NR6A1: variants seen among roughly 807,000 people sequenced by gnomAD.
NR6A1 encodes the protein retinoic acid receptor-related testis-associated receptor.
In NR6A1, 7 loss-of-function variants were observed where a neutral mutation model predicts 59.1. That is an observed-to-expected ratio of 0.12 (90% CI 0.07 to 0.22). The LOEUF (loss-of-function observed/expected upper bound fraction) is 0.22, where lower values mean the gene tolerates loss of function less well. Among genes scored for constraint, NR6A1 ranks in the 10% least tolerant of loss-of-function variants. NR6A1 has a pLI of 1.00. For missense variants in NR6A1, 468 were observed against 611.6 expected (o/e 0.77, Z 2.48); for synonymous variants, 243 against 236.1 (o/e 1.03, Z -0.27).
chr9:124,650,564 A>G (rs1476142618), intron 2 of NR6A1, among the ~76,000 whole-genome samples: 1 of 152,246 alleles, frequency 6.6e-6, no homozygotes, highest in East Asian at 1.9e-4. Flanking sequence ...AATTTACCGC[A>G]TATTTCAAAA....
chr9:124,659,814 T>C (rs1043705979), intron 2 of NR6A1, among the ~76,000 whole-genome samples: 1 of 152,246 alleles, frequency 6.6e-6, no homozygotes, highest in Non-Finnish European at 1.5e-5. Context: ...TTATGAATTA[T>C]ATAGTTCAGG....
chr9:124,564,853 AAAG>A (rs745381448), intron 2 of NR6A1, among the ~76,000 whole-genome samples: 1 of 152,224 alleles, frequency 6.6e-6, no homozygotes, highest in Non-Finnish European at 1.5e-5. Context: ...TTACTGGCTC[AAAG>A]ATAGATAAAT....
In NR6A1 at chr9:124,771,290, C is replaced by T. The variant is rs549767244; in HGVS notation, c.-171G>A. 179 of 392,362 alleles carry T rather than the reference C, an allele frequency of 4.6e-4. No homozygotes were observed. The highest frequency in any genetic ancestry group is 2.7e-3 in the African/African-American group (131 of 48,308). 24.3% of individuals were successfully genotyped at this position (392,362 alleles called of 1,614,324 possible). On this transcript the variant is annotated 5_prime_UTR_variant, in exon 1 of 10. Coordinates refer to ENST00000487099, the MANE Select transcript of NR6A1 (RefSeq NM_033334.4). ...GGCTCCGCGCCGCTCCGCGCCCCTC[C>T]GCGCCGCGCCCCCTCAGCACTGGCC...
In NR6A1 at chr9:124,542,278, GT is replaced by G. The variant is rs1478024689; in HGVS notation, c.441+1523del. ...TGACTTGAATAACGAGAATAAAAAT[GT>G]TTTAGAAAAAAAGAATAAACACAGC... On this transcript the variant is annotated intron_variant, in intron 4 of 9. Coordinates refer to ENST00000487099, the MANE Select transcript of NR6A1 (RefSeq NM_033334.4). 2.0e-5 allele frequency among the ~76,000 whole-genome samples: 3 copies of G among 152,236 alleles called. No individual in the cohort carries two copies. In the South Asian group the frequency reaches 6.2e-4, roughly 32 times the overall value.
intron 2 of NR6A1, among the ~76,000 whole-genome samples, chr9:124,689,502 A>G (rs148174715): frequency 1.3e-5 from 2 of 152,330 alleles, no homozygotes; most frequent in African/African-American, 4.8e-5. Context: ...CGCACATATG[A>G]AACAAAAGCA....
chr9:124,760,330 A>G (rs953928769), intron 1 of NR6A1, among the ~76,000 whole-genome samples: 1 of 151,882 alleles, frequency 6.6e-6, no homozygotes, highest in Non-Finnish European at 1.5e-5. Context: ...TAAATAAATA[A>G]AAATAAAAAT....
At chr9:124,635,281 G>A (rs1428951941) in intron 2 of NR6A1, among the ~76,000 whole-genome samples, 2 of 151,956 alleles carry the variant, frequency 1.3e-5, no homozygotes, top group Non-Finnish European at 2.9e-5. Context: ...TTAGCTCTGT[G>A]TCCCCACCGA....
intron 2 of NR6A1, among the ~76,000 whole-genome samples, chr9:124,703,868 C>G (rs186834227): frequency 2.6e-5 from 4 of 151,864 alleles, no homozygotes; most frequent in African/African-American, 9.7e-5. Flanking sequence ...CTATGTTGCT[C>G]AGGCTAGCCT....
At chr9:124,732,844 C>T (rs1839923311) in intron 2 of NR6A1, among the ~76,000 whole-genome samples, 1 of 151,942 alleles carries the variant, frequency 6.6e-6, no homozygotes, top group East Asian at 1.9e-4. Flanking sequence ...CTACAGGCAC[C>T]CGCCACCACG....
At chr9:124,623,069 G>A (rs539907129) in intron 2 of NR6A1, among the ~76,000 whole-genome samples, 2 of 152,262 alleles carry the variant, frequency 1.3e-5, no homozygotes, top group South Asian at 4.1e-4. Context: ...TGCCAAATAA[G>A]AGGTCTATCC....
At chr9:124,764,718 T>C (rs1052940166) in intron 1 of NR6A1, among the ~76,000 whole-genome samples, 1 of 152,242 alleles carries the variant, frequency 6.6e-6, no homozygotes. Flanking sequence ...GTGCTATAGC[T>C]ATTACTCTAA....
chr9:124,531,978 C>A (rs972422170), intron 7 of NR6A1, among the ~76,000 whole-genome samples: 2 of 152,220 alleles, frequency 1.3e-5, no homozygotes, highest in Admixed American at 1.3e-4. Context: ...CCATCCTGAA[C>A]TTTACTGCCA....
At chr9:124,617,432 G>A (rs1315713926) in intron 2 of NR6A1, among the ~76,000 whole-genome samples, 2 of 152,168 alleles carry the variant, frequency 1.3e-5, no homozygotes, top group African/African-American at 2.4e-5. Context: ...AACACAATTA[G>A]CTAGCGCAGG....
intron 1 of NR6A1, among the ~76,000 whole-genome samples, chr9:124,767,795 A>T (rs1840982005): frequency 6.6e-6 from 1 of 152,226 alleles, no homozygotes; most frequent in Non-Finnish European, 1.5e-5. Flanking sequence ...TCTAAAGTGT[A>T]ATTACATAAA....
intron 2 of NR6A1, among the ~76,000 whole-genome samples, chr9:124,635,184 T>TG (rs1361688186): frequency 1.3e-5 from 2 of 152,088 alleles, no homozygotes; most frequent in Non-Finnish European, 2.9e-5. Flanking sequence ...CCCTCCCCAT[T>TG]AACCCTTGGA....
At chr9:124,541,734 C>T (rs1454401159) in intron 4 of NR6A1, among the ~76,000 whole-genome samples, 1 of 152,198 alleles carries the variant, frequency 6.6e-6, no homozygotes, top group Non-Finnish European at 1.5e-5. Context: ...TGCACTCCCA[C>T]GTTCACTGCA....
chr9:124,568,930 G>A (rs924421904), intron 2 of NR6A1, among the ~76,000 whole-genome samples: 2 of 151,766 alleles, frequency 1.3e-5, no homozygotes, highest in Non-Finnish European at 2.9e-5. Flanking sequence ...TGGCTAACAC[G>A]GTGAAACACC....
At chr9:124,652,200 A>G (rs1366754386) in intron 2 of NR6A1, among the ~76,000 whole-genome samples, 1 of 152,170 alleles carries the variant, frequency 6.6e-6, no homozygotes, top group Non-Finnish European at 1.5e-5. Flanking sequence ...AAGCAGCTCT[A>G]TTTCCACACT....
At chr9:124,716,962 C>A (rs924920519) in intron 2 of NR6A1, among the ~76,000 whole-genome samples, 1 of 152,144 alleles carries the variant, frequency 6.6e-6, no homozygotes, top group African/African-American at 2.4e-5. Flanking sequence ...AAGATTTGAA[C>A]ACTTTTAAGA....
Sources: gnomAD v4.1 joint callset for allele counts (sites outside exome capture counted in the v4.1 genomes callset) on GRCh38, gnomAD v4.1.1 for gene constraint, MANE v1.5 for transcripts, NCBI Gene and HGNC (gene_info 2026-07-23, HGNC 2026-07-21) for gene names.